Variants in LRRTM4 observed in about 807,000 individuals in gnomAD.
The protein encoded by LRRTM4 is leucine rich repeat transmembrane neuronal 4.
Under a neutral mutation model 47.6 loss-of-function variants are expected in LRRTM4, and 25 were observed. That is an observed-to-expected ratio of 0.53 (90% CI 0.38 to 0.73). The LOEUF is 0.73. LRRTM4 is among the 30% of genes least tolerant of loss of function. LRRTM4 has a pLI of 0.00. For synonymous variants in LRRTM4, 311 were observed against 269.5 expected (o/e 1.15, Z -1.51); for missense variants, 638 against 713.4 (o/e 0.89, Z 1.20).
At chr2:77,401,566 T>G (rs896944673) in intron 3 of LRRTM4, among the ~76,000 whole-genome samples, 2 of 151,968 alleles carry the variant, frequency 1.3e-5, no homozygotes, top group Non-Finnish European at 2.9e-5. Context: ...GAACAGTTCC[T>G]GACAGATAAG....
At chr2:76,785,487 A>G (rs1674624764) in intron 3 of LRRTM4, among the ~76,000 whole-genome samples, 1 of 152,154 alleles carries the variant, frequency 6.6e-6, no homozygotes, top group African/African-American at 2.4e-5. Flanking sequence ...TCATATGGGT[A>G]CGTCAGTCTC....
intron 3 of LRRTM4, among the ~76,000 whole-genome samples, chr2:76,938,845 G>A (rs559930012): frequency 2.4e-4 from 37 of 152,172 alleles, no homozygotes; most frequent in African/African-American, 7.7e-4. Flanking sequence ...CATGTCTTAT[G>A]TAAAAGTTTT....
At chr2:76,809,939 A>G (rs1162603831) in intron 3 of LRRTM4, among the ~76,000 whole-genome samples, 1 of 152,034 alleles carries the variant, frequency 6.6e-6, no homozygotes, top group Non-Finnish European at 1.5e-5. Flanking sequence ...TTCAAACCTC[A>G]TAGACTCCTG....
intron 3 of LRRTM4, among the ~76,000 whole-genome samples, chr2:76,995,555 A>T (rs564959581): frequency 6.6e-6 from 1 of 152,158 alleles, no homozygotes; most frequent in Non-Finnish European, 1.5e-5. Flanking sequence ...TGGCTCTATC[A>T]AAGTAAAAAT....
chr2:76,939,861 T>G (rs79909487), intron 3 of LRRTM4, among the ~76,000 whole-genome samples: 1 of 152,094 alleles, frequency 6.6e-6, no homozygotes. Context: ...TCTTGGAGAA[T>G]TTTCCCAGAT....
At chr2:77,098,749 A>G (rs1670875053) in intron 3 of LRRTM4, among the ~76,000 whole-genome samples, 2 of 152,006 alleles carry the variant, frequency 1.3e-5, no homozygotes, top group African/African-American at 4.8e-5. Context: ...ATTACTCACA[A>G]AAGATTAGTT....
At chr2:77,325,141 C>A (rs1384129969) in intron 3 of LRRTM4, among the ~76,000 whole-genome samples, 3 of 152,064 alleles carry the variant, frequency 2.0e-5, no homozygotes, top group Non-Finnish European at 2.9e-5. Context: ...ATTCTTCATA[C>A]CTATACTCCC....
intron 3 of LRRTM4, among the ~76,000 whole-genome samples, chr2:77,030,098 G>T (rs1016517573): frequency 6.6e-6 from 1 of 152,230 alleles, no homozygotes; most frequent in South Asian, 2.1e-4. Flanking sequence ...TTTTACACAA[G>T]TTCCAATTAT....
rs568825320 is a variant in LRRTM4, at chr2:77,026,113, G to C, written c.1552-277197C>G. Among the ~76,000 whole-genome samples the C allele has an allele frequency of 1.2e-4, 19 of 152,186 alleles. No homozygotes were observed. The South Asian group carries it at 3.9e-3, about 32-fold the overall frequency. ...TTGCCTTGGGTAAGTAATTTTACTAGGGACTAAATGAAACCAGACCACATT... is the reference window on the plus strand; with the variant it reads ...TTGCCTTGGGTAAGTAATTTTACTACGGACTAAATGAAACCAGACCACATT... On this transcript the variant is annotated intron_variant, in intron 3 of 3. Transcript: ENST00000409884.
chr2:76,990,331 T>C (rs1676958209), intron 3 of LRRTM4, among the ~76,000 whole-genome samples: 3 of 151,866 alleles, frequency 2.0e-5, no homozygotes, highest in East Asian at 3.9e-4. Flanking sequence ...ATGTAAATAG[T>C]CTACACACCT....
intron 3 of LRRTM4, among the ~76,000 whole-genome samples, chr2:77,432,419 A>T (rs1675418143): frequency 6.6e-6 from 1 of 152,268 alleles, no homozygotes; most frequent in Non-Finnish European, 1.5e-5. Context: ...TATGTCAAAT[A>T]ATTGTGGAAG....
At chr2:77,062,960 T>C (rs1022957782) in intron 3 of LRRTM4, among the ~76,000 whole-genome samples, 1 of 148,596 alleles carries the variant, frequency 6.7e-6, no homozygotes, top group African/African-American at 2.5e-5. Context: ...ATTATCTTTT[T>C]TTTTTTTTTT....
At chr2:77,344,340 G>A (rs946825216) in intron 3 of LRRTM4, among the ~76,000 whole-genome samples, 2 of 151,726 alleles carry the variant, frequency 1.3e-5, no homozygotes, top group African/African-American at 2.4e-5. Context: ...AAACACTCTT[G>A]AAATAAAGAC....
intron 3 of LRRTM4, among the ~76,000 whole-genome samples, chr2:77,246,418 G>A (rs572544993): frequency 1.7e-4 from 26 of 152,204 alleles, no homozygotes; most frequent in Admixed American, 3.3e-4. Flanking sequence ...TAAATGAACA[G>A]TATTGTGCAT....
intron 3 of LRRTM4, among the ~76,000 whole-genome samples, chr2:77,103,490 T>G (rs753751385): frequency 2.0e-5 from 3 of 152,054 alleles, no homozygotes; most frequent in Non-Finnish European, 4.4e-5. Flanking sequence ...TCGCTGAGCA[T>G]GTTAATAGAT....
At chr2:76,970,218 CGGATA>C (rs1337654831) in intron 3 of LRRTM4, among the ~76,000 whole-genome samples, 3 of 151,850 alleles carry the variant, frequency 2.0e-5, no homozygotes, top group African/African-American at 7.3e-5. Context: ...CAGGGTAAAA[CGGATA>C]GAATATTTAA....
chr2:77,159,930 A>C (rs1220111634), intron 3 of LRRTM4, among the ~76,000 whole-genome samples: 1 of 152,234 alleles, frequency 6.6e-6, no homozygotes, highest in African/African-American at 2.4e-5. Context: ...AACACAATTC[A>C]GATTGTGTAA....
intron 3 of LRRTM4, among the ~76,000 whole-genome samples, chr2:76,790,999 T>C (rs1674941920): frequency 6.6e-6 from 1 of 152,176 alleles, no homozygotes; most frequent in South Asian, 2.1e-4. Flanking sequence ...ATGTTTCCAG[T>C]TACATGATAA....
chr2:77,301,853 C>T (rs1558677541), intron 3 of LRRTM4, among the ~76,000 whole-genome samples: 1 of 152,078 alleles, frequency 6.6e-6, no homozygotes, highest in Non-Finnish European at 1.5e-5. Flanking sequence ...TATTGTATGC[C>T]TCTGACCTCC....
Sources: gnomAD v4.1 joint callset for allele counts (sites outside exome capture counted in the v4.1 genomes callset) on GRCh38, gnomAD v4.1.1 for gene constraint, MANE v1.5 for transcripts, NCBI Gene and HGNC (gene_info 2026-07-23, HGNC 2026-07-21) for gene names.